The following LMNTD1 variants were observed in gnomAD, a reference collection of about 807,000 sequenced individuals.
The protein encoded by LMNTD1 is lamin tail domain-containing protein 1.
A neutral mutation model predicts 50.9 loss-of-function variants in LMNTD1; 35 were observed. The observed-to-expected ratio is 0.69, with a 90% CI of 0.53 to 0.91. The LOEUF (loss-of-function observed/expected upper bound fraction) is 0.91, where lower values mean the gene tolerates loss of function less well. Ranked by LOEUF, LMNTD1 falls within the 40% of genes least tolerant of loss-of-function variation. LMNTD1 has a pLI of 0.00. For synonymous variants in LMNTD1, 153 were observed against 161.9 expected (o/e 0.94, Z 0.42); for missense variants, 470 against 475.5 (o/e 0.99, Z 0.11).
chr12:25,546,091 G>T (rs564114874), intron 4 of LMNTD1, among the ~76,000 whole-genome samples: 1 of 151,496 alleles, frequency 6.6e-6, no homozygotes, highest in Non-Finnish European at 1.5e-5. Flanking sequence ...ATTCAACAAC[G>T]ATAAAAAAGT....
intron 1 of LMNTD1, among the ~76,000 whole-genome samples, chr12:25,578,016 T>C (rs745937725): frequency 1.1e-4 from 16 of 152,156 alleles, no homozygotes; most frequent in Non-Finnish European, 1.9e-4. Context: ...TGGACAGGCT[T>C]CTTCCCTTGT....
At chr12:25,590,971 G>A (rs1945678652) in intron 1 of LMNTD1, among the ~76,000 whole-genome samples, 1 of 152,118 alleles carries the variant, frequency 6.6e-6, no homozygotes, top group Admixed American at 6.5e-5. Flanking sequence ...AACACTGGCT[G>A]GCTACAGTTA....
chr12:25,602,227 C>T (rs1945995914), intron 1 of LMNTD1, among the ~76,000 whole-genome samples: 1 of 151,856 alleles, frequency 6.6e-6, no homozygotes, highest in Admixed American at 6.6e-5. Context: ...GGCAGCATAA[C>T]TCTGGTTGCC....
chr12:25,629,131 G>A lies in LMNTD1; in HGVS notation c.58+19363C>T, dbSNP rs1476988623. Among the ~76,000 whole-genome samples, 3 of 152,068 alleles carry A rather than the reference G, an allele frequency of 2.0e-5. 1 individual carries two copies. Among genetic ancestry groups the A allele is most frequent in the East Asian group, 3.8e-4 (2 of 5,196 alleles). On this transcript the variant is annotated intron_variant, in intron 1 of 7. Coordinates refer to the LMNTD1 transcript ENST00000445693. ...TTAACTAAATCTTATTAGGAAAAGC[G>A]ACTCTCTGGGATTCGAGCCATAACT...
chr12:25,599,862 G>A (rs1343373221), intron 1 of LMNTD1, among the ~76,000 whole-genome samples: 1 of 151,970 alleles, frequency 6.6e-6, no homozygotes, highest in Non-Finnish European at 1.5e-5. Flanking sequence ...TAGTTAAAAT[G>A]TCCATACTAC....
chr12:25,524,809 A>G (rs1941591295), intron 6 of LMNTD1, among the ~76,000 whole-genome samples: 1 of 152,130 alleles, frequency 6.6e-6, no homozygotes, highest in African/African-American at 2.4e-5. Flanking sequence ...CCATCAGAGA[A>G]GTATTATAAA....
rs533224415 is a variant in LMNTD1 at position 25,494,895 on chromosome 12, A to G, written c.*22+8843T>C. ...TCTTTTAGCAACTTTCAAGTATACA[A>G]TACATCATTATTAACTGTCACTGGG... On this transcript the variant is annotated intron_variant, in intron 9 of 9. Transcript: ENST00000458174. 3.3e-5 allele frequency among the ~76,000 whole-genome samples: 5 copies of G among 152,310 alleles called. No individual in the cohort carries two copies. The South Asian group carries it at 8.3e-4, about 25-fold the overall frequency.
At chr12:25,580,737 C>G (rs1193827268) in intron 1 of LMNTD1, among the ~76,000 whole-genome samples, 1 of 152,186 alleles carries the variant, frequency 6.6e-6, no homozygotes, top group Non-Finnish European at 1.5e-5. Context: ...ATAGTAACCT[C>G]TAGTTTGGGT....
At chr12:25,618,297 TGCTCTTGATTGGA>T (rs1946390198) in intron 1 of LMNTD1, among the ~76,000 whole-genome samples, 1 of 152,190 alleles carries the variant, frequency 6.6e-6, no homozygotes. Context: ...CTGATTTAAT[TGCTCTTGATTGGA>T]GAGCAGGCAT....
intron 1 of LMNTD1, among the ~76,000 whole-genome samples, chr12:25,592,046 T>G (rs1293245284): frequency 6.6e-6 from 1 of 152,116 alleles, no homozygotes; most frequent in East Asian, 1.9e-4. Context: ...TAAGTTCTCT[T>G]GAATATCTAG....
intron 6 of LMNTD1, among the ~76,000 whole-genome samples, chr12:25,522,849 G>T (rs1447433801): frequency 6.6e-6 from 1 of 152,074 alleles, no homozygotes; most frequent in South Asian, 2.1e-4. Flanking sequence ...TTACAGATGG[G>T]AAAGTAGAAT....
intron 1 of LMNTD1, among the ~76,000 whole-genome samples, chr12:25,634,400 C>T (rs1248082229): frequency 1.3e-5 from 2 of 152,080 alleles, no homozygotes; most frequent in Non-Finnish European, 2.9e-5. Context: ...AACTACAGAC[C>T]GATATCCTTG....
intron 4 of LMNTD1, among the ~76,000 whole-genome samples, chr12:25,540,623 T>C (rs1218998512): frequency 2.8e-5 from 4 of 140,630 alleles, no homozygotes; most frequent in African/African-American, 1.0e-4. Flanking sequence ...AATATCATAC[T>C]GAATGGGCAA....
intron 8 of LMNTD1, among the ~76,000 whole-genome samples, chr12:25,513,014 A>G (rs1254997899): frequency 6.6e-6 from 1 of 152,186 alleles, no homozygotes; most frequent in South Asian, 2.1e-4. Context: ...AATAATCCAT[A>G]GCCACAAACT....
At chr12:25,486,269 T>C (rs956972522) in intron 9 of LMNTD1, among the ~76,000 whole-genome samples, 7 of 143,560 alleles carry the variant, frequency 4.9e-5, no homozygotes, top group East Asian at 2.1e-4. Context: ...TTTGAAGCAA[T>C]TGTGAATGGG....
intron 1 of LMNTD1, among the ~76,000 whole-genome samples, chr12:25,607,166 A>G (rs1432632711): frequency 6.6e-6 from 1 of 151,900 alleles, no homozygotes; most frequent in East Asian, 1.9e-4. Context: ...TTTATGTGGG[A>G]TTGGTGGCGA....
At chr12:25,587,730 C>T (rs1945580076) in intron 1 of LMNTD1, among the ~76,000 whole-genome samples, 1 of 152,246 alleles carries the variant, frequency 6.6e-6, no homozygotes, top group Non-Finnish European at 1.5e-5. Context: ...GAAGAAATCA[C>T]TATTTTTTTC....
rs1433609668 is a variant in LMNTD1, at chr12:25,526,824, A to G, written c.623T>C (p.Ile208Thr). 1 of 1,612,926 alleles carries G rather than the reference A, an allele frequency of 6.2e-7. No individual in the cohort carries two copies. The highest frequency in any genetic ancestry group is 8.5e-7 in the Non-Finnish European group (1 of 1,179,374). ...GTTTGGAAGGAATCGGTACAAAGAA[A>G]TGGTTTGTCCATTCACATTTTGCTG... ...ILQQNVNGQT[I>T]SLYRFLPNIV... Residue 208 changes from isoleucine (I) to threonine (T), a missense_variant, in exon 5 of 10, where the codon ATT becomes ACT. Coordinates refer to ENST00000458174, the MANE Select transcript of LMNTD1 (RefSeq NM_001145728.2).
chr12:25,566,001 C>A (rs2136327264), intron 1 of LMNTD1, among the ~76,000 whole-genome samples: 2 of 152,222 alleles, frequency 1.3e-5, no homozygotes, highest in East Asian at 3.9e-4. Context: ...TTTCTTTTCT[C>A]TTACTGCTTT....
Sources: gnomAD v4.1 joint callset for allele counts (sites outside exome capture counted in the v4.1 genomes callset) on GRCh38, gnomAD v4.1.1 for gene constraint, MANE v1.5 for transcripts, NCBI Gene and HGNC (gene_info 2026-07-23, HGNC 2026-07-21) for gene names.